SPHKAP: variants seen among roughly 807,000 people sequenced by gnomAD.
SPHKAP encodes SPHK1 interactor, AKAP domain containing.
SPHKAP carries 67 observed loss-of-function variants against 137.5 expected under a neutral mutation model. The ratio of observed to expected loss-of-function variants is 0.49; its 90% CI spans 0.40 to 0.60. The LOEUF (loss-of-function observed/expected upper bound fraction) is 0.60, where lower values mean the gene tolerates loss of function less well. SPHKAP is among the 20% of genes least tolerant of loss of function. SPHKAP has a pLI of 0.00. For synonymous variants in SPHKAP, 813 were observed against 785.3 expected (o/e 1.04, Z -0.59); for missense variants, 2,097 against 2,069.3 (o/e 1.01, Z -0.26).
chr2:228,037,890 G>A (rs1022570496), intron 3 of SPHKAP, among the ~76,000 whole-genome samples: 22 of 152,164 alleles, frequency 1.4e-4, no homozygotes, highest in African/African-American at 4.6e-4. Context: ...TAGACAATGT[G>A]ACTGGATTGC....
intron 3 of SPHKAP, among the ~76,000 whole-genome samples, chr2:228,037,717 C>T (rs1406139169): frequency 6.6e-6 from 1 of 152,116 alleles, no homozygotes; most frequent in Non-Finnish European, 1.5e-5. Context: ...AAGAGATAAG[C>T]ATAGTTAAAA....
chr2:228,172,276 A>G (rs1366975507), intron 1 of SPHKAP, among the ~76,000 whole-genome samples: 1 of 152,196 alleles, frequency 6.6e-6, no homozygotes, highest in East Asian at 1.9e-4. Flanking sequence ...TGAAATGGGC[A>G]ATGTGTGAAT....
chr2:228,174,989 T>C (rs866985680), intron 1 of SPHKAP, among the ~76,000 whole-genome samples: 40 of 118,226 alleles, frequency 3.4e-4, no homozygotes, highest in African/African-American at 1.3e-3. Flanking sequence ...AGCTTAAAGA[T>C]AGGTCAATAC....
chr2:228,155,647 G>A (rs1444093845), intron 1 of SPHKAP, among the ~76,000 whole-genome samples: 1 of 152,146 alleles, frequency 6.6e-6, no homozygotes, highest in Non-Finnish European at 1.5e-5. Context: ...GGTTTATGCT[G>A]TTGCCTCATT....
intron 3 of SPHKAP, among the ~76,000 whole-genome samples, chr2:228,043,820 T>TAAAG (rs1321583417): frequency 2.0e-5 from 3 of 152,184 alleles, no homozygotes; most frequent in Non-Finnish European, 4.4e-5. Context: ...AAGCTTCCAT[T>TAAAG]AAAGACTTTT....
At chr2:228,158,891 C>G (rs1700189957) in intron 1 of SPHKAP, among the ~76,000 whole-genome samples, 1 of 152,144 alleles carries the variant, frequency 6.6e-6, no homozygotes, top group Non-Finnish European at 1.5e-5. Flanking sequence ...TCTCTTTTCC[C>G]TCACCCCAAT....
At chr2:228,072,243 C>CTGCA (rs1179733258) in intron 3 of SPHKAP, among the ~76,000 whole-genome samples, 2 of 152,166 alleles carry the variant, frequency 1.3e-5, no homozygotes, top group East Asian at 3.9e-4. Flanking sequence ...GGTCTACAGC[C>CTGCA]TGCAGATCAT....
chr2:227,988,775 G>A (rs1488037593), intron 11 of SPHKAP, among the ~76,000 whole-genome samples: 1 of 152,140 alleles, frequency 6.6e-6, no homozygotes, highest in East Asian at 1.9e-4. Flanking sequence ...ACAGTGTATG[G>A]CATGGGGGTA....
intron 1 of SPHKAP, among the ~76,000 whole-genome samples, chr2:228,148,752 C>T (rs1474080254): frequency 6.6e-6 from 1 of 151,900 alleles, no homozygotes; most frequent in African/African-American, 2.4e-5. Flanking sequence ...AGGACCACAC[C>T]CACAATAAGG....
chr2:227,989,536 T>C (rs759728413), intron 11 of SPHKAP, among the ~76,000 whole-genome samples: 2 of 152,136 alleles, frequency 1.3e-5, no homozygotes, highest in Non-Finnish European at 2.9e-5. Flanking sequence ...TTACGCTACC[T>C]TATATGGCAA....
chr2:228,151,786 T>C (rs1236018282), intron 1 of SPHKAP, among the ~76,000 whole-genome samples: 2 of 152,164 alleles, frequency 1.3e-5, no homozygotes, highest in African/African-American at 4.8e-5. Flanking sequence ...TTTGGAGTTA[T>C]TTTGTTGTTT....
intron 2 of SPHKAP, among the ~76,000 whole-genome samples, chr2:228,122,587 A>G (rs963180677): frequency 1.3e-5 from 2 of 152,178 alleles, no homozygotes. Context: ...CACCACATTG[A>G]CATCTTCTAG....
intron 1 of SPHKAP, among the ~76,000 whole-genome samples, chr2:228,164,666 C>A (rs1173577516): frequency 2.0e-5 from 3 of 152,174 alleles, no homozygotes; most frequent in Non-Finnish European, 4.4e-5. Flanking sequence ...CAAGGCTTAA[C>A]CTATTCTGGC....
intron 1 of SPHKAP, among the ~76,000 whole-genome samples, chr2:228,133,944 G>A (rs1699348131): frequency 6.6e-6 from 1 of 151,972 alleles, no homozygotes; most frequent in Non-Finnish European, 1.5e-5. Context: ...TACTTTTTGA[G>A]CAATTGTCAC....
chr2:228,165,350 G>A (rs989937633), intron 1 of SPHKAP, among the ~76,000 whole-genome samples: 1 of 151,982 alleles, frequency 6.6e-6, no homozygotes. Context: ...ATAACACTGT[G>A]GTCTTATCCA....
At chr2:228,162,821 C>T (rs908018769) in intron 1 of SPHKAP, among the ~76,000 whole-genome samples, 1 of 152,220 alleles carries the variant, frequency 6.6e-6, no homozygotes, top group Non-Finnish European at 1.5e-5. Context: ...GCCTCAGCCT[C>T]CCAAGTAGCT....
intron 2 of SPHKAP, among the ~76,000 whole-genome samples, chr2:228,116,587 A>C (rs1414831287): frequency 6.6e-6 from 1 of 152,164 alleles, no homozygotes; most frequent in Non-Finnish European, 1.5e-5. Flanking sequence ...TGACTAACTG[A>C]TCCAATAAAT....
intron 1 of SPHKAP, among the ~76,000 whole-genome samples, chr2:228,166,323 A>G (rs1381671579): frequency 6.6e-6 from 1 of 152,196 alleles, no homozygotes; most frequent in Non-Finnish European, 1.5e-5. Context: ...CCCTTATATT[A>G]TTTTGAAAGA....
At chr2:228,173,180 TAAAG>T (rs1334689216) in intron 1 of SPHKAP, among the ~76,000 whole-genome samples, 1 of 152,018 alleles carries the variant, frequency 6.6e-6, no homozygotes, top group African/African-American at 2.4e-5. Flanking sequence ...TTTTATTTAA[TAAAG>T]AAAGAAAGAA....
Sources: allele counts gnomAD v4.1 joint callset (sites outside exome capture counted in the v4.1 genomes callset), GRCh38; gene constraint gnomAD v4.1.1; transcripts MANE v1.5; gene names NCBI Gene and HGNC (gene_info 2026-07-23, HGNC 2026-07-21).